Variants in ZNF827 observed in about 807,000 individuals in gnomAD.
ZNF827 encodes zinc finger protein 827.
ZNF827 carries 13 observed loss-of-function variants against 102.4 expected under a neutral mutation model. That is an observed-to-expected ratio of 0.13 (90% CI 0.08 to 0.20). The LOEUF is 0.20. ZNF827 is among the 10% of genes least tolerant of loss of function. The pLI is 1.00. For missense variants in ZNF827, 1,103 were observed against 1,344.4 expected (o/e 0.82, Z 2.81); for synonymous variants, 523 against 536.2 (o/e 0.98, Z 0.34).
In ZNF827 at chr4:145,903,197, T is replaced by C. The variant is rs1179488228; in HGVS notation, c.62A>G (p.Glu21Gly). The C allele has an allele frequency of 1.2e-6, 2 of 1,609,658 alleles. No homozygotes were observed. Among genetic ancestry groups the C allele is most frequent in the African/African-American group, 1.3e-5 (1 of 74,826 alleles). The change falls in exon 2 of 15, where the codon GAG becomes GGG. Residue 21 changes from glutamate (E) to glycine (G), a missense_variant. By Grantham distance (98) the Glu-to-Gly change is moderately conservative. Around this residue, in one of 5 missense-constraint regions of ZNF827, gnomAD observed 441 missense variants for 458.6 expected, o/e 0.96. Coordinates refer to ENST00000508784, the MANE Select transcript of ZNF827 (RefSeq NM_001306215.2). ...RLPSHVSRQE[E>G]AEGELSEGEH... The stretch of plus-strand genomic sequence containing the variant: ...TCCTTCACTGAGCTCTCCCTCCGCC[T>C]CTTCCTGCCTACTAACATCTGGGGA...
chr4:145,834,106 T>C (rs1431338627), intron 7 of ZNF827, among the ~76,000 whole-genome samples: 2 of 152,144 alleles, frequency 1.3e-5, no homozygotes, highest in African/African-American at 4.8e-5. Flanking sequence ...CTTATTTTCT[T>C]CTGCAATGCC....
chr4:145,842,525 C>T (rs1745519379), intron 7 of ZNF827, among the ~76,000 whole-genome samples: 1 of 152,148 alleles, frequency 6.6e-6, no homozygotes, highest in Admixed American at 6.5e-5. Flanking sequence ...TTGAAATGAG[C>T]ATCGAGATAA....
Position 145,764,999 on chromosome 4 carries a change from G to A in ZNF827, c.3219C>T (p.Thr1073=), listed in dbSNP as rs756996484. ...CTTGCTTTCCTTACTTGAGCCCACC[G>A]GTGGGGACAGTGTGGCATTTCTTAT... ...LEHKKCHTVP[T]GGLNSGQW is the part of the protein sequence containing the mutation. Residue 1073 remains threonine, a synonymous_variant, in exon 13 of 15, where the codon ACC becomes ACT. Coordinates refer to ENST00000508784, the MANE Select transcript of ZNF827 (RefSeq NM_001306215.2). 6.8e-6 allele frequency: 11 copies of A among 1,613,266 alleles called. No individual in the cohort carries two copies. Among genetic ancestry groups the A allele is most frequent in the East Asian group, 2.2e-5 (1 of 44,890 alleles).
chr4:145,917,382 C>T (rs1157930351), intron 1 of ZNF827, among the ~76,000 whole-genome samples: 2 of 152,160 alleles, frequency 1.3e-5, no homozygotes, highest in African/African-American at 2.4e-5. Flanking sequence ...CTTCTTGCTG[C>T]ATCATAACAT....
At chr4:145,919,698 C>T (rs1351278793) in intron 1 of ZNF827, among the ~76,000 whole-genome samples, 1 of 152,242 alleles carries the variant, frequency 6.6e-6, no homozygotes, top group Non-Finnish European at 1.5e-5. Flanking sequence ...GGTATTAATA[C>T]TGCTCTCTCT....
chr4:145,914,262 T>C (rs558306889), intron 1 of ZNF827, among the ~76,000 whole-genome samples: 138 of 152,166 alleles, frequency 9.1e-4, no homozygotes, highest in Non-Finnish European at 1.2e-3. Flanking sequence ...AGAGACAAAA[T>C]AGATTTTTAT....
chr4:145,763,988 C>T lies in ZNF827; in HGVS notation c.3231-866G>A, dbSNP rs1045268476. Reference sequence around the variant, plus strand: ...CCCAACCTGCACTGACCCCAACACTCCACTCCCAGGGTCTTTTCCATCTCT... The same window carrying T: ...CCCAACCTGCACTGACCCCAACACTTCACTCCCAGGGTCTTTTCCATCTCT... On this transcript the variant is annotated intron_variant, in intron 13 of 14. Transcript: ENST00000508784. The surrounding 1 kb of genome is among the most constrained non-coding windows in gnomAD (Gnocchi z 4.6). Among the ~76,000 whole-genome samples the T allele has an allele frequency of 6.6e-6, 1 of 152,172 alleles. No homozygotes were observed. The highest frequency in any genetic ancestry group is 1.5e-5 in the Non-Finnish European group (1 of 68,034).
intron 1 of ZNF827, among the ~76,000 whole-genome samples, chr4:145,927,861 T>C (rs1753542468): frequency 2.6e-5 from 4 of 152,216 alleles, no homozygotes. Flanking sequence ...GAATAAAGCA[T>C]AATACAAACA....
At chr4:145,931,657 T>C (rs1452281495) in intron 1 of ZNF827, among the ~76,000 whole-genome samples, 1 of 152,222 alleles carries the variant, frequency 6.6e-6, no homozygotes, top group African/African-American at 2.4e-5. Flanking sequence ...AATGGAGAGA[T>C]TAGCTCCAGC....
At chr4:145,871,445 C>T (rs1748672237) in intron 4 of ZNF827, among the ~76,000 whole-genome samples, 1 of 152,130 alleles carries the variant, frequency 6.6e-6, no homozygotes, top group Admixed American at 6.5e-5. Context: ...CTCCACTGGG[C>T]TACATACTAC....
In ZNF827 at chr4:145,902,193, C is replaced by T. The variant is rs1235324022; in HGVS notation, c.1066G>A (p.Gly356Arg). 7 of 1,605,244 alleles carry T rather than the reference C, an allele frequency of 4.4e-6. No individual in the cohort carries two copies. Among genetic ancestry groups the T allele is most frequent in the East Asian group, 2.2e-5 (1 of 44,868 alleles). ...LELLLLPVPK[G>R]RVSKPSNSAS... Reference sequence around the variant, plus strand: ...GAATTGGAGGGTTTAGAAACTCTTCCCTTAGGAACTGGGAGTAATAATAAT... The same window carrying T: ...GAATTGGAGGGTTTAGAAACTCTTCTCTTAGGAACTGGGAGTAATAATAAT... The change falls in exon 2 of 15, where the codon GGA (glycine) becomes AGA (arginine). Residue 356 changes from glycine (G) to arginine (R), a missense_variant. By Grantham distance (125) the Gly-to-Arg change is moderately radical (BLOSUM62 -2). This residue lies in a region of ZNF827 where 441 missense variants were observed against 458.6 expected (regional missense o/e 0.96). Transcript: ENST00000508784. The surrounding 1 kb of genome is among the most constrained non-coding windows in gnomAD (Gnocchi z 4.3).
intron 5 of ZNF827, among the ~76,000 whole-genome samples, chr4:145,856,232 G>A (rs575141610): frequency 1.6e-4 from 25 of 152,250 alleles, no homozygotes; most frequent in African/African-American, 5.3e-4. Flanking sequence ...CTGACCTCAC[G>A]TGATCTGTCC....
chr4:145,893,673 A>G (rs544346938), intron 2 of ZNF827, among the ~76,000 whole-genome samples: 1 of 152,338 alleles, frequency 6.6e-6, no homozygotes, highest in African/African-American at 2.4e-5. Context: ...TAATCTTAAC[A>G]TTACTAAAAA....
At chr4:145,891,404 G>C (rs751075991) in intron 3 of ZNF827, among the ~76,000 whole-genome samples, 2 of 152,168 alleles carry the variant, frequency 1.3e-5, no homozygotes, top group African/African-American at 4.8e-5. Flanking sequence ...ATGCTCTTTT[G>C]ATCCCATGAG....
intron 7 of ZNF827, among the ~76,000 whole-genome samples, chr4:145,845,024 G>T (rs533225201): frequency 1.3e-5 from 2 of 152,308 alleles, no homozygotes; most frequent in African/African-American, 4.8e-5. Context: ...AAGACTGCTT[G>T]GTAGCTCCCA....
intron 1 of ZNF827, among the ~76,000 whole-genome samples, chr4:145,907,543 C>A (rs951586677): frequency 6.6e-6 from 1 of 152,162 alleles, no homozygotes; most frequent in African/African-American, 2.4e-5. Context: ...GTCTGCCAAC[C>A]AGCGCAGACT....
At chr4:145,860,267 T>C (rs1021201276) in intron 5 of ZNF827, among the ~76,000 whole-genome samples, 1 of 152,190 alleles carries the variant, frequency 6.6e-6, no homozygotes, top group African/African-American at 2.4e-5. Flanking sequence ...TCTTTTCCTC[T>C]TGAGGGGAGG....
At chr4:145,927,581 G>C (rs1185103743) in intron 1 of ZNF827, among the ~76,000 whole-genome samples, 1 of 152,130 alleles carries the variant, frequency 6.6e-6, no homozygotes, top group Non-Finnish European at 1.5e-5. Context: ...AACACCTAAG[G>C]GGTTCTCCTG....
chr4:145,854,395 T>C (rs888637705), intron 5 of ZNF827, among the ~76,000 whole-genome samples: 1 of 151,894 alleles, frequency 6.6e-6, no homozygotes, highest in African/African-American at 2.4e-5. Flanking sequence ...TGTTGTTACC[T>C]ACCCTTAAGA....
Sources: gnomAD v4.1 joint callset for allele counts (sites outside exome capture counted in the v4.1 genomes callset) on GRCh38, gnomAD v4.1.1 for gene constraint, gnomAD v4.1.1 regional missense constraint, Gnocchi (gnomAD v3.1) non-coding constraint, MANE v1.5 for transcripts, NCBI Gene and HGNC (gene_info 2026-07-23, HGNC 2026-07-21) for gene names.